GRB2: variants seen among roughly 807,000 people sequenced by gnomAD.
The protein encoded by GRB2 is growth factor receptor-bound protein 2.
In GRB2, 2 loss-of-function variants were observed where a neutral mutation model predicts 27.4. The ratio of observed to expected loss-of-function variants is 0.07; its 90% CI spans 0.03 to 0.23. GRB2 has a LOEUF of 0.23. Ranked by LOEUF, GRB2 falls within the 10% of genes least tolerant of loss-of-function variation. GRB2 has a pLI of 1.00. For missense variants in GRB2, 102 were observed against 282.4 expected, an observed-to-expected ratio of 0.36 and a Z score of 4.58; for synonymous variants, 94 against 99.6, an observed-to-expected ratio of 0.94 and a Z score of 0.33.
In GRB2 at chr17:75,320,880, C is replaced by T. The variant is rs781543519; in HGVS notation, c.469-327G>A. ...CAGAAACAGCCATCTGTGTTTAGGC[C>T]GTGGGCCCAGAATCGCAAATCCCTT... On this transcript the variant is annotated intron_variant, in intron 5 of 5. Coordinates refer to ENST00000316804, the MANE Select transcript of GRB2 (RefSeq NM_002086.5). The surrounding 1 kb of genome is among the most constrained non-coding windows in gnomAD (Gnocchi z 4.3). Among the ~76,000 whole-genome samples the T allele has an allele frequency of 1.2e-4, 18 of 152,178 alleles. No individual in the cohort carries two copies. The highest frequency in any genetic ancestry group is 2.4e-4 in the Non-Finnish European group (16 of 68,024).
chr17:75,336,343 C>A (rs1239471064), intron 2 of GRB2, among the ~76,000 whole-genome samples: 2 of 152,138 alleles, frequency 1.3e-5, no homozygotes, highest in African/African-American at 4.8e-5. Context: ...TGAGGTGTGT[C>A]TACTTTTACT....
chr17:75,346,327 C>CTA (rs1567862619), intron 2 of GRB2, among the ~76,000 whole-genome samples: 1 of 151,972 alleles, frequency 6.6e-6, no homozygotes. Flanking sequence ...AACCCTGTCT[C>CTA]TACTACAAAA....
In GRB2 at chr17:75,399,452, C is replaced by T. The variant is rs941056616; in HGVS notation, c.-137-5687G>A. Among the ~76,000 whole-genome samples, 8 of 149,278 alleles carry T rather than the reference C, an allele frequency of 5.4e-5. No individual in the cohort carries two copies. In the South Asian group the frequency reaches 1.5e-3, roughly 28 times the overall value. ...GCACGATCTTGGCTCACCACAACCT[C>T]TGTCTCCTGGATTCAAGCCATTCTC... On this transcript the variant is annotated intron_variant, in intron 1 of 5. Coordinates refer to ENST00000316804, the MANE Select transcript of GRB2 (RefSeq NM_002086.5).
intron 2 of GRB2, among the ~76,000 whole-genome samples, chr17:75,339,627 T>A (rs1239383824): frequency 6.7e-6 from 1 of 148,210 alleles, no homozygotes; most frequent in African/African-American, 2.5e-5. Context: ...TTCTTTCTTT[T>A]TTTTTTTTTT....
At chr17:75,332,549 C>T in intron 3 of GRB2, 151 bp downstream of exon 3, 1 of 585,498 alleles carries the variant, frequency 1.7e-6, no homozygotes, top group Non-Finnish European at 3.0e-6. Flanking sequence ...TTATTATATA[C>T]TATTAACATG....
chr17:75,379,878 A>G (rs1420791236), intron 2 of GRB2, among the ~76,000 whole-genome samples: 2 of 152,270 alleles, frequency 1.3e-5, no homozygotes, highest in African/African-American at 4.8e-5. Flanking sequence ...AACCTCTGGA[A>G]AACTGCAATT....
At chr17:75,381,939 A>G (rs569760242) in intron 2 of GRB2, among the ~76,000 whole-genome samples, 1 of 152,078 alleles carries the variant, frequency 6.6e-6, no homozygotes, top group Non-Finnish European at 1.5e-5. Context: ...ATTTTGTTAA[A>G]CCTAGATTTT....
chr17:75,348,215 T>A, intron 2 of GRB2, among the ~76,000 whole-genome samples: 1 of 152,150 alleles, frequency 6.6e-6, no homozygotes. Flanking sequence ...TGGCTACTTT[T>A]AAAATTTTTT....
In GRB2 at chr17:75,337,821, C is replaced by T. The variant is rs570707665; in HGVS notation, c.79-5024G>A. ...GACCTCGTGATCCGCCTGCCTCGGCCTCCAAAAGTGCTGGGATTATAGGCG... is the reference window on the plus strand; with the variant it reads ...GACCTCGTGATCCGCCTGCCTCGGCTTCCAAAAGTGCTGGGATTATAGGCG... On this transcript the variant is annotated intron_variant, in intron 2 of 5. Coordinates refer to ENST00000316804, the MANE Select transcript of GRB2 (RefSeq NM_002086.5). 7.1e-4 allele frequency among the ~76,000 whole-genome samples: 107 copies of T among 150,002 alleles called. 1 individual carries two copies. The highest frequency in any genetic ancestry group is 3.5e-3 in the Middle Eastern group (1 of 286).
intron 2 of GRB2, among the ~76,000 whole-genome samples, chr17:75,369,757 G>A (rs2078843837): frequency 6.6e-6 from 1 of 151,592 alleles, no homozygotes; most frequent in South Asian, 2.1e-4. Flanking sequence ...CTACTCAGGA[G>A]GCCGAGACAG....
chr17:75,325,220 G>C (rs1438293002), intron 4 of GRB2, among the ~76,000 whole-genome samples: 1 of 152,140 alleles, frequency 6.6e-6, no homozygotes, highest in Non-Finnish European at 1.5e-5. Context: ...TGATCTGCCG[G>C]ACTCCTGGGG....
In GRB2 at chr17:75,320,160, T is replaced by C; in HGVS notation, c.*208A>G. On this transcript the variant is annotated 3_prime_UTR_variant, in exon 6 of 6. Transcript: ENST00000316804. The surrounding 1 kb of genome is among the most constrained non-coding windows in gnomAD (Gnocchi z 4.3). Reference sequence around the variant, plus strand: ...AGTGAAAATTTGTAATAAAAACTCTTCTTAATTTATAGGTAAGTTTTGGCA... The same window carrying C: ...AGTGAAAATTTGTAATAAAAACTCTCCTTAATTTATAGGTAAGTTTTGGCA... The C allele has an allele frequency of 2.0e-6, 1 of 508,566 alleles. No homozygotes were observed. Among genetic ancestry groups the C allele is most frequent in the South Asian group, 2.8e-5 (1 of 35,464 alleles). 31.5% of individuals were successfully genotyped at this position (508,566 alleles called of 1,614,324 possible).
intron 2 of GRB2, among the ~76,000 whole-genome samples, chr17:75,381,940 C>A (rs930650067): frequency 6.6e-6 from 1 of 151,356 alleles, no homozygotes; most frequent in Non-Finnish European, 1.5e-5. Context: ...TTTTGTTAAA[C>A]CTAGATTTTA....
At chr17:75,338,732 TC>T in intron 2 of GRB2, 1 of 514,526 alleles carries the variant, frequency 1.9e-6, no homozygotes, top group Non-Finnish European at 3.5e-6. Flanking sequence ...AGAGCCCAAA[TC>T]AGGAAGAAAT....
At chr17:75,333,302 C>T (rs1006023032) in intron 2 of GRB2, among the ~76,000 whole-genome samples, 2 of 152,144 alleles carry the variant, frequency 1.3e-5, no homozygotes, top group African/African-American at 4.8e-5. Flanking sequence ...TCTTGAACTC[C>T]TGGCCTCAGG....
At chr17:75,388,008 A>G (rs190619904) in intron 2 of GRB2, among the ~76,000 whole-genome samples, 1 of 152,324 alleles carries the variant, frequency 6.6e-6, no homozygotes, top group Non-Finnish European at 1.5e-5. Context: ...ATTTGGAAAT[A>G]GTCCATTCAG....
intron 2 of GRB2, among the ~76,000 whole-genome samples, chr17:75,338,534 A>G (rs1375768248): frequency 6.6e-6 from 1 of 152,222 alleles, no homozygotes; most frequent in Non-Finnish European, 1.5e-5. Context: ...ATTACCCCAC[A>G]GCTGCATTTT....
intron 2 of GRB2, among the ~76,000 whole-genome samples, chr17:75,384,445 G>C (rs2078949095): frequency 6.6e-6 from 1 of 151,878 alleles, no homozygotes; most frequent in Non-Finnish European, 1.5e-5. Flanking sequence ...AAGGCGGGTG[G>C]ATCGCCTGAG....
At chr17:75,350,629 C>T (rs2078685104) in intron 2 of GRB2, among the ~76,000 whole-genome samples, 1 of 152,200 alleles carries the variant, frequency 6.6e-6, no homozygotes, top group South Asian at 2.1e-4. Context: ...ATAGCTGGAA[C>T]TACAGGCACC....
Sources: allele counts gnomAD v4.1 joint callset (sites outside exome capture counted in the v4.1 genomes callset), GRCh38; gene constraint gnomAD v4.1.1; non-coding constraint Gnocchi (gnomAD v3.1); transcripts MANE v1.5; gene names NCBI Gene and HGNC (gene_info 2026-07-23, HGNC 2026-07-21).